RAB11FIP4: variants seen among roughly 807,000 people sequenced by gnomAD.
RAB11FIP4 encodes RAB11 family interacting protein 4.
A neutral mutation model predicts 74.3 loss-of-function variants in RAB11FIP4; 23 were observed. The observed-to-expected ratio is 0.31, with a 90% confidence interval of 0.22 to 0.44. The LOEUF (loss-of-function observed/expected upper bound fraction) is 0.44. Ranked by LOEUF, RAB11FIP4 falls within the 20% of genes least tolerant of loss-of-function variation. RAB11FIP4 has a pLI of 1.00. For synonymous variants in RAB11FIP4, 360 were observed against 359.9 expected (o/e 1.00, Z 0.00); for missense variants, 630 against 863.9 (o/e 0.73, Z 3.39).
chr17:31,454,577 G>A (rs1261618300), intron 3 of RAB11FIP4, among the ~76,000 whole-genome samples: 2 of 151,810 alleles, frequency 1.3e-5, no homozygotes, highest in Admixed American at 6.6e-5. Context: ...CCTTGCCTAA[G>A]TCTGATTCTT....
At chr17:31,418,342 C>G (rs189956858) in intron 1 of RAB11FIP4, among the ~76,000 whole-genome samples, 7 of 152,122 alleles carry the variant, frequency 4.6e-5, no homozygotes. Context: ...GAGCCGAGAT[C>G]GCACCATTGC....
intron 1 of RAB11FIP4, among the ~76,000 whole-genome samples, chr17:31,415,845 T>C (rs1597904791): frequency 6.6e-6 from 1 of 152,154 alleles, no homozygotes; most frequent in Non-Finnish European, 1.5e-5. Context: ...AGCTGGCTGG[T>C]GGCCCCTCTG....
intron 1 of RAB11FIP4, among the ~76,000 whole-genome samples, chr17:31,399,173 C>A (rs1453794821): frequency 3.3e-5 from 5 of 152,120 alleles, no homozygotes; most frequent in Admixed American, 6.5e-5. Flanking sequence ...CTGAGCAGTG[C>A]CACCAGGAAC....
chr17:31,475,794 G>C (rs57673498), intron 3 of RAB11FIP4, among the ~76,000 whole-genome samples: 8,162 of 111,416 alleles, frequency 0.073, 745 homozygotes, highest in African/African-American at 0.25. Context: ...CTGCATTTTT[G>C]TGTGGTTTTT....
chr17:31,522,651 C>T, intron 7 of RAB11FIP4: 1 of 544,484 alleles, frequency 1.8e-6, no homozygotes, highest in South Asian at 2.4e-5. Context: ...GCAGGCATGC[C>T]AGGGATGCCC....
intron 1 of RAB11FIP4, among the ~76,000 whole-genome samples, chr17:31,430,654 C>T (rs528408581): frequency 1.3e-5 from 2 of 152,110 alleles, no homozygotes; most frequent in African/African-American, 4.8e-5. Context: ...CCACCGCGCC[C>T]GCCCTGGAGT....
intron 3 of RAB11FIP4, among the ~76,000 whole-genome samples, chr17:31,436,388 A>G (rs1190091566): frequency 6.8e-6 from 1 of 148,144 alleles, no homozygotes; most frequent in Non-Finnish European, 1.5e-5. Context: ...GTTAAAGTAA[A>G]GCCCTGCCCC....
Position 31,528,058 on chromosome 17 carries a change from A to C in RAB11FIP4, c.1356+135A>C, listed in dbSNP as rs2072799045. 3 of 707,206 alleles carry C rather than the reference A, an allele frequency of 4.2e-6. No homozygotes were observed. The Admixed American group carries it at 9.2e-5, about 22-fold the overall frequency. 43.8% of individuals were successfully genotyped at this position (707,206 alleles called of 1,614,324 possible). A position where few individuals can be genotyped will look rare whatever the true frequency, so the allele number is the denominator to read the frequency against. ...AGTGAATAACAACTTGTGTTTCTGT[A>C]TTTCTGATTTTCCAAGTTTTCTACA... On this transcript the variant is annotated intron_variant, in intron 11 of 14. Transcript: ENST00000621161.
intron 1 of RAB11FIP4, among the ~76,000 whole-genome samples, chr17:31,415,164 G>C (rs1955519360): frequency 6.6e-6 from 1 of 152,236 alleles, no homozygotes; most frequent in African/African-American, 2.4e-5. Flanking sequence ...ACTGGCAAGG[G>C]GGAAGAGCCC....
intron 3 of RAB11FIP4, chr17:31,488,238 C>A: frequency 1.7e-6 from 2 of 1,155,888 alleles, no homozygotes; most frequent in South Asian, 4.2e-5. Flanking sequence ...GGGAGCGGCC[C>A]GCGGATGCGC....
chr17:31,524,953 G>C, intron 9 of RAB11FIP4, 137 bp from the exon 10 acceptor site: 1 of 1,010,612 alleles, frequency 9.9e-7, no homozygotes, highest in Non-Finnish European at 1.5e-6. Context: ...TCATCTCTCT[G>C]AAAGCTACTG....
intron 1 of RAB11FIP4, among the ~76,000 whole-genome samples, chr17:31,401,269 C>G (rs1001223427): frequency 5.2e-5 from 6 of 115,428 alleles, no homozygotes; most frequent in African/African-American, 1.1e-4. Flanking sequence ...GAGACTCTGT[C>G]TAATTAAAAA....
At chr17:31,393,840 C>T (rs1182044164) in intron 1 of RAB11FIP4, among the ~76,000 whole-genome samples, 1 of 152,112 alleles carries the variant, frequency 6.6e-6, no homozygotes, top group Non-Finnish European at 1.5e-5. Flanking sequence ...TCGACTAATT[C>T]TGTGATTCAG....
rs143393993 is a variant in RAB11FIP4 at position 31,477,416 on chromosome 17, C to T, written c.337-40235C>T. ...GCTTGGGGAGAAGCTGGGTGCTCCCCGCCCACCCTCCTTGACCCATCAGAT... is the reference window on the plus strand; with the variant it reads ...GCTTGGGGAGAAGCTGGGTGCTCCCTGCCCACCCTCCTTGACCCATCAGAT... On this transcript the variant is annotated intron_variant, in intron 3 of 14. Coordinates refer to ENST00000621161, the MANE Select transcript of RAB11FIP4 (RefSeq NM_032932.6). 6.1e-4 allele frequency among the ~76,000 whole-genome samples: 93 copies of T among 152,338 alleles called. 1 individual carries two copies. Among genetic ancestry groups the T allele is most frequent in the African/African-American group, 2.1e-3 (89 of 41,574 alleles).
At position 31,536,993 on chromosome 17, in the gene RAB11FIP4, T is replaced by C; in HGVS notation, c.*5261T>C. On this transcript the variant is annotated 3_prime_UTR_variant, in exon 15 of 15. Transcript: ENST00000621161. Reference sequence around the variant, plus strand: ...AGATGTCTGCCCCGGAGCTACCAGCTGGGGATGGCATCCAGGCCATGTCTC... The same window carrying C: ...AGATGTCTGCCCCGGAGCTACCAGCCGGGGATGGCATCCAGGCCATGTCTC... 1 of 399,182 alleles carries C rather than the reference T, an allele frequency of 2.5e-6. No individual in the cohort carries two copies. The highest frequency in any genetic ancestry group is 4.4e-6 in the Non-Finnish European group (1 of 226,132). The allele number at this position is 399,182 out of a possible 1,614,324, so 24.7% of individuals were successfully genotyped here.
At chr17:31,403,444 T>G (rs2071013858) in intron 1 of RAB11FIP4, among the ~76,000 whole-genome samples, 1 of 151,912 alleles carries the variant, frequency 6.6e-6, no homozygotes, top group Non-Finnish European at 1.5e-5. Flanking sequence ...TGCCTCAGCC[T>G]CCCAAGTAGC....
intron 3 of RAB11FIP4, among the ~76,000 whole-genome samples, chr17:31,511,677 G>A (rs1401130764): frequency 6.6e-6 from 1 of 152,252 alleles, no homozygotes; most frequent in Non-Finnish European, 1.5e-5. Context: ...TGCCTGTGAG[G>A]TGGCTCCCCA....
chr17:31,401,026 T>C (rs184594835), intron 1 of RAB11FIP4, among the ~76,000 whole-genome samples: 2 of 152,238 alleles, frequency 1.3e-5, no homozygotes, highest in Admixed American at 6.5e-5. Context: ...CCCAGCACTC[T>C]GGGAGGCCAA....
intron 1 of RAB11FIP4, among the ~76,000 whole-genome samples, chr17:31,428,780 T>A (rs1317777806): frequency 1.3e-5 from 2 of 152,138 alleles, no homozygotes; most frequent in East Asian, 3.9e-4. Flanking sequence ...AGTTTTAGAT[T>A]TAGAAGCAGG....
Sources: allele counts gnomAD v4.1 joint callset (sites outside exome capture counted in the v4.1 genomes callset), GRCh38; gene constraint gnomAD v4.1.1; transcripts MANE v1.5; gene names NCBI Gene and HGNC (gene_info 2026-07-23, HGNC 2026-07-21).